The following OTOGL variants were observed in gnomAD, a reference collection of about 807,000 sequenced individuals.
The protein encoded by OTOGL is otogelin-like protein.
In OTOGL, 285 loss-of-function variants were observed where a neutral mutation model predicts 318.5. That is an observed-to-expected ratio of 0.89 (90% CI 0.81 to 0.99). The LOEUF (loss-of-function observed/expected upper bound fraction) is 0.99. OTOGL is among the 50% of genes least tolerant of loss of function. The pLI is 0.00. For missense variants in OTOGL, 2,899 were observed against 2,845.6 expected (o/e 1.02, Z -0.43); for synonymous variants, 987 against 936.5 (o/e 1.05, Z -0.99).
chr12:80,113,432 A>G (rs1359334861), intron 1 of OTOGL, among the ~76,000 whole-genome samples: 1 of 152,178 alleles, frequency 6.6e-6, no homozygotes, highest in Non-Finnish European at 1.5e-5. Flanking sequence ...GCTGTGTTCC[A>G]GAGATTCTGG....
At chr12:80,236,816 C>CTT (rs1376942990) in intron 9 of OTOGL, among the ~76,000 whole-genome samples, 20 of 137,610 alleles carry the variant, frequency 1.5e-4, no homozygotes, top group Non-Finnish European at 2.2e-4. Flanking sequence ...TTTTTCTTTT[C>CTT]TTTTTTTTTT....
At chr12:80,195,930 G>A (rs942876587) in intron 1 of OTOGL, among the ~76,000 whole-genome samples, 3 of 152,104 alleles carry the variant, frequency 2.0e-5, no homozygotes, top group Non-Finnish European at 4.4e-5. Context: ...ACAAAAAAGG[G>A]GATTTTCTTG....
chr12:80,309,507 G>A (rs1886487134), intron 29 of OTOGL, among the ~76,000 whole-genome samples: 1 of 152,148 alleles, frequency 6.6e-6, no homozygotes, highest in South Asian at 2.1e-4. Flanking sequence ...GTTAATTTTG[G>A]TTGTGGTGTA....
chr12:80,357,096 T>C (rs1435344218), intron 49 of OTOGL, among the ~76,000 whole-genome samples, 182 bp downstream of exon 49: 1 of 152,132 alleles, frequency 6.6e-6, no homozygotes, highest in East Asian at 1.9e-4. Context: ...TAATAATAAA[T>C]ACCTTCCCCC....
chr12:80,356,385 C>T (rs746024376), intron 47 of OTOGL, 31 bp from the exon 48 acceptor site: 1 of 1,543,330 alleles, frequency 6.5e-7, no homozygotes, highest in African/African-American at 1.4e-5. Flanking sequence ...GTTGTGTTCA[C>T]TAATATTTTA....
chr12:80,350,392 C>T (rs1240539416), intron 44 of OTOGL, among the ~76,000 whole-genome samples: 2 of 152,174 alleles, frequency 1.3e-5, no homozygotes, highest in Non-Finnish European at 2.9e-5. Flanking sequence ...CTGTGACATA[C>T]TGATTTCATT....
At position 80,367,439 on chromosome 12, in the gene OTOGL, T is replaced by A. The variant is rs985963202; in HGVS notation, c.6332-122T>A. The A allele has an allele frequency of 6.3e-6, 4 of 630,776 alleles. No individual in the cohort carries two copies. In the African/African-American group the frequency reaches 7.8e-5, roughly 12 times the overall value. The allele number at this position is 630,776 out of a possible 1,614,324, so 39.1% of individuals were successfully genotyped here. A position where few individuals can be genotyped will look rare whatever the true frequency, so the allele number is the denominator to read the frequency against. On this transcript the variant is annotated intron_variant, in intron 53 of 58. Transcript: ENST00000547103. ...TTAAAATACGTAAATATGAAGATCT[T>A]CATTAGTTTTGAAAAATTGGCACAT...
intron 56 of OTOGL, among the ~76,000 whole-genome samples, chr12:80,371,171 A>C (rs929143027): frequency 1.3e-5 from 2 of 152,066 alleles, no homozygotes; most frequent in Admixed American, 6.6e-5. Flanking sequence ...TGCTCTATCA[A>C]TTTCCCTATT....
At position 80,238,971 on chromosome 12, in the gene OTOGL, C is replaced by A. The variant is rs756926659; in HGVS notation, c.938C>A (p.Ala313Glu). The change falls in exon 10 of 59, where the codon GCA becomes GAA. Residue 313 changes from alanine to glutamate, a missense_variant. By Grantham distance (107) the Ala-to-Glu change is moderately radical (BLOSUM62 -1). Around this residue, in one of 3 missense-constraint regions of OTOGL, gnomAD observed 2,607 missense variants for 2,524.9 expected, o/e 1.03. Coordinates refer to ENST00000547103, the MANE Select transcript of OTOGL (RefSeq NM_001378609.3). ...AATCCGTGCTCCAGTGGAATGCCAG[C>A]ATTTGAGGTAAATTTGATGTGAGAA... ...FPNPCSSGMPAFEAIFFKCQI... is the reference protein window; with the variant it reads ...FPNPCSSGMPEFEAIFFKCQI... 1 of 1,596,066 alleles carries A rather than the reference C, an allele frequency of 6.3e-7. No homozygotes were observed. Among genetic ancestry groups the A allele is most frequent in the Non-Finnish European group, 8.5e-7 (1 of 1,178,606 alleles).
intron 20 of OTOGL, chr12:80,265,480 A>T (rs936858857): frequency 2.3e-6 from 1 of 439,290 alleles, no homozygotes; most frequent in Non-Finnish European, 4.2e-6. Context: ...AATTTAAAAC[A>T]TTTGAAAAAT....
chr12:80,329,066 C>T lies in OTOGL; in HGVS notation c.4295C>T (p.Pro1432Leu), dbSNP rs1218795593. Residue 1432 changes from proline (P) to leucine (L), a missense_variant, in exon 37 of 59, where the codon CCC becomes CTC. Transcript: ENST00000547103. Reference sequence around the variant, plus strand: ...TTCTTTGTAGGTATACCTGTGATTCCCACAGAACCAACATTAATGCCACCA... The same window carrying T: ...TTCTTTGTAGGTATACCTGTGATTCTCACAGAACCAACATTAATGCCACCA... Reference protein sequence around the residue: ...VYPRDCIPVIPTEPTLMPPAK... With the variant: ...VYPRDCIPVILTEPTLMPPAK... 1.3e-6 allele frequency: 2 copies of T among 1,572,488 alleles called. No individual in the cohort carries two copies. Among genetic ancestry groups the T allele is most frequent in the African/African-American group, 2.8e-5 (2 of 72,456 alleles).
At chr12:80,306,062 C>G (rs967951708) in intron 29 of OTOGL, among the ~76,000 whole-genome samples, 21 of 152,068 alleles carry the variant, frequency 1.4e-4, no homozygotes, top group African/African-American at 4.8e-4. Context: ...GGAACTTTTG[C>G]CAGTTCAAAG....
chr12:80,348,696 G>C (rs1437137132), intron 44 of OTOGL, among the ~76,000 whole-genome samples: 5 of 151,942 alleles, frequency 3.3e-5, no homozygotes, highest in African/African-American at 1.2e-4. Flanking sequence ...CTATAATCTG[G>C]CCCACCTATT....
intron 1 of OTOGL, among the ~76,000 whole-genome samples, chr12:80,150,330 G>T (rs184536577): frequency 7.9e-5 from 12 of 152,260 alleles, no homozygotes; most frequent in Admixed American, 7.8e-4. Context: ...TGTGTTTCTT[G>T]CTGAACATAA....
At chr12:80,169,429 G>C (rs1339107885) in intron 1 of OTOGL, among the ~76,000 whole-genome samples, 1 of 152,134 alleles carries the variant, frequency 6.6e-6, no homozygotes, top group African/African-American at 2.4e-5. Flanking sequence ...GTCACATCCT[G>C]CTCAAAACTC....
intron 1 of OTOGL, among the ~76,000 whole-genome samples, chr12:80,194,559 T>C (rs2137269506): frequency 6.6e-6 from 1 of 152,328 alleles, no homozygotes. Flanking sequence ...GCTCTAATTC[T>C]TTTGAGTCAT....
intron 1 of OTOGL, among the ~76,000 whole-genome samples, chr12:80,171,978 C>T (rs968502618): frequency 5.9e-5 from 9 of 151,966 alleles, no homozygotes; most frequent in African/African-American, 1.7e-4. Context: ...TCTTCTTTTC[C>T]AAGATAGACA....
intron 1 of OTOGL, among the ~76,000 whole-genome samples, chr12:80,130,635 C>G (rs1370210655): frequency 1.3e-5 from 2 of 152,136 alleles, no homozygotes; most frequent in Non-Finnish European, 1.5e-5. Flanking sequence ...CTAAGTTCTA[C>G]AGTATATGCT....
chr12:80,178,860 A>G (rs1404935671), intron 1 of OTOGL, among the ~76,000 whole-genome samples: 1 of 152,158 alleles, frequency 6.6e-6, no homozygotes, highest in Non-Finnish European at 1.5e-5. Context: ...TTTGAAAGCT[A>G]CTTCTCACTG....
Sources: allele counts gnomAD v4.1 joint callset (sites outside exome capture counted in the v4.1 genomes callset), GRCh38; gene constraint gnomAD v4.1.1; regional missense constraint gnomAD v4.1.1; transcripts MANE v1.5; gene names NCBI Gene and HGNC (gene_info 2026-07-23, HGNC 2026-07-21).